ROBO2: variants seen among roughly 807,000 people sequenced by gnomAD.
ROBO2 encodes roundabout guidance receptor 2.
In ROBO2, 53 loss-of-function variants were observed where a neutral mutation model predicts 160.8. That is an observed-to-expected ratio of 0.33 (90% CI 0.26 to 0.41). The LOEUF is 0.41. Ranked by LOEUF, ROBO2 falls within the 10% of genes least tolerant of loss-of-function variation. ROBO2 has a pLI of 1.00. For missense variants in ROBO2, 1,577 were observed against 1,722.4 expected (o/e 0.92, Z 1.49); for synonymous variants, 664 against 611.7 (o/e 1.09, Z -1.26).
At chr3:77,634,071 T>C (rs552880415) in intron 23 of ROBO2, 6 of 152,272 alleles carry the variant, frequency 3.9e-5, no homozygotes, top group East Asian at 1.9e-4. Flanking sequence ...ACAATAAACA[T>C]GGTATTGAAA....
chr3:77,108,518 G>A (rs2073159960), intron 2 of ROBO2, among the ~76,000 whole-genome samples: 1 of 151,944 alleles, frequency 6.6e-6, no homozygotes, highest in Non-Finnish European at 1.5e-5. Flanking sequence ...CATCTTTGTT[G>A]GGTTTCCTAA....
At chr3:76,012,015 A>G (rs940094668) in intron 2 of ROBO2, among the ~76,000 whole-genome samples, 1 of 152,200 alleles carries the variant, frequency 6.6e-6, no homozygotes, top group Non-Finnish European at 1.5e-5. Flanking sequence ...TGTAGCCAAG[A>G]TTCTTTAATT....
intron 5 of ROBO2, among the ~76,000 whole-genome samples, chr3:77,494,435 G>A (rs1452821076): frequency 2.0e-5 from 3 of 152,034 alleles, no homozygotes; most frequent in Non-Finnish European, 4.4e-5. Context: ...AAAGTTAGCT[G>A]AGTGTGGTGG....
chr3:76,587,076 C>G (rs556561413), intron 2 of ROBO2, among the ~76,000 whole-genome samples: 10 of 152,304 alleles, frequency 6.6e-5, no homozygotes, highest in African/African-American at 2.4e-4. Flanking sequence ...TGCCACCAAA[C>G]AAGGAAGGGG....
chr3:76,971,121 A>G (rs530318950), intron 2 of ROBO2, among the ~76,000 whole-genome samples: 1 of 152,210 alleles, frequency 6.6e-6, no homozygotes, highest in Non-Finnish European at 1.5e-5. Flanking sequence ...ATATAATCAC[A>G]TACAGCAATA....
chr3:76,939,516 C>A (rs1056586423), intron 2 of ROBO2, among the ~76,000 whole-genome samples: 3 of 152,056 alleles, frequency 2.0e-5, no homozygotes, highest in African/African-American at 2.4e-5. Flanking sequence ...CTAAGCCAGG[C>A]GCAGTGGCTC....
intron 13 of ROBO2, among the ~76,000 whole-genome samples, chr3:77,569,152 A>G (rs1160212087): frequency 6.6e-6 from 1 of 151,948 alleles, no homozygotes; most frequent in African/African-American, 2.4e-5. Flanking sequence ...ACATGTTTTC[A>G]TTTATCTTGG....
At chr3:76,600,269 C>T (rs1440482537) in intron 2 of ROBO2, among the ~76,000 whole-genome samples, 1 of 152,112 alleles carries the variant, frequency 6.6e-6, no homozygotes, top group Non-Finnish European at 1.5e-5. Context: ...TATGGCTAGC[C>T]AGTTATCCCA....
At chr3:76,155,053 C>T (rs931320305) in intron 2 of ROBO2, among the ~76,000 whole-genome samples, 3 of 152,174 alleles carry the variant, frequency 2.0e-5, no homozygotes, top group Admixed American at 6.5e-5. Flanking sequence ...AATATTTGTC[C>T]TGTTTTTCTA....
At chr3:76,476,210 T>C (rs1018178185) in intron 2 of ROBO2, among the ~76,000 whole-genome samples, 1 of 152,150 alleles carries the variant, frequency 6.6e-6, no homozygotes, top group African/African-American at 2.4e-5. Context: ...CCCTTCCTTT[T>C]TTTATTAGTC....
chr3:77,279,190 C>T (rs2060085285), intron 2 of ROBO2, among the ~76,000 whole-genome samples: 1 of 151,934 alleles, frequency 6.6e-6, no homozygotes, highest in Admixed American at 6.6e-5. Flanking sequence ...TAGAATGTGC[C>T]ATTTTTTTAA....
intron 2 of ROBO2, among the ~76,000 whole-genome samples, chr3:76,306,130 C>T (rs2071332661): frequency 6.6e-6 from 1 of 152,106 alleles, no homozygotes; most frequent in South Asian, 2.1e-4. Context: ...CTGCTAGGTA[C>T]CTAGTGACCA....
chr3:76,710,195 A>ACTG (rs2093262728), intron 2 of ROBO2, among the ~76,000 whole-genome samples: 1 of 151,566 alleles, frequency 6.6e-6, no homozygotes, highest in Non-Finnish European at 1.5e-5. Flanking sequence ...ATCTCAGCTC[A>ACTG]CTGCAACCTC....
At chr3:76,239,348 G>A (rs1453767986) in intron 2 of ROBO2, among the ~76,000 whole-genome samples, 1 of 92,644 alleles carries the variant, frequency 1.1e-5, no homozygotes, top group Non-Finnish European at 2.2e-5. Flanking sequence ...ATGTAGTATA[G>A]AATACGTATA....
At chr3:76,192,695 T>C (rs1273083067) in intron 2 of ROBO2, among the ~76,000 whole-genome samples, 3 of 152,110 alleles carry the variant, frequency 2.0e-5, no homozygotes, top group Admixed American at 6.6e-5. Flanking sequence ...CATGATAAAT[T>C]ACTTCTGAAT....
At chr3:76,049,095 A>G (rs963638424) in intron 2 of ROBO2, among the ~76,000 whole-genome samples, 12 of 152,186 alleles carry the variant, frequency 7.9e-5, no homozygotes, top group Non-Finnish European at 1.3e-4. Flanking sequence ...GAGAGTTCTC[A>G]GGATGAGGGA....
chr3:76,352,243 G>C lies in ROBO2; in HGVS notation c.109+414641G>C, dbSNP rs1209097203. ...CCAGTGTCTGCAGAATTAAAGAAATGGCTGAGCACCCACACTGGGAAAAAA... is the reference window on the plus strand; with the variant it reads ...CCAGTGTCTGCAGAATTAAAGAAATCGCTGAGCACCCACACTGGGAAAAAA... On this transcript the variant is annotated intron_variant, in intron 2 of 26. Coordinates refer to the ROBO2 transcript ENST00000487694. 2.0e-5 allele frequency among the ~76,000 whole-genome samples: 3 copies of C among 151,888 alleles called. No homozygotes were observed. In the East Asian group the frequency reaches 5.8e-4, roughly 30 times the overall value.
intron 2 of ROBO2, among the ~76,000 whole-genome samples, chr3:77,370,526 T>A (rs982728914): frequency 3.9e-5 from 6 of 152,166 alleles, no homozygotes; most frequent in African/African-American, 1.4e-4. Flanking sequence ...TGGCAGCAGG[T>A]CGAGTGTATT....
intron 2 of ROBO2, among the ~76,000 whole-genome samples, chr3:76,935,789 T>G (rs2149081477): frequency 6.6e-6 from 1 of 152,278 alleles, no homozygotes; most frequent in South Asian, 2.1e-4. Flanking sequence ...TAGGTGACCA[T>G]ATTTTGCCTG....
Sources: gnomAD v4.1 joint callset for allele counts (sites outside exome capture counted in the v4.1 genomes callset) on GRCh38, gnomAD v4.1.1 for gene constraint, MANE v1.5 for transcripts, NCBI Gene and HGNC (gene_info 2026-07-23, HGNC 2026-07-21) for gene names.